The following SLC2A13 variants were observed in gnomAD, a reference collection of about 807,000 sequenced individuals.
The protein encoded by SLC2A13 is proton myo-inositol cotransporter.
In SLC2A13, 32 loss-of-function variants were observed where a neutral mutation model predicts 64.4. The observed-to-expected ratio is 0.50, with a 90% CI of 0.37 to 0.67. The LOEUF is 0.67. SLC2A13 is among the 30% of genes least tolerant of loss of function. SLC2A13 has a pLI of 0.00. For synonymous variants in SLC2A13, 338 were observed against 327.1 expected, an observed-to-expected ratio of 1.03 and a Z score of -0.36; for missense variants, 743 against 829.2, an observed-to-expected ratio of 0.90 and a Z score of 1.28.
chr12:40,085,081 C>T lies in SLC2A13; in HGVS notation c.556+20172G>A, dbSNP rs150300238. 1.9e-3 allele frequency among the ~76,000 whole-genome samples: 293 copies of T among 152,242 alleles called. 1 individual carries two copies. Among genetic ancestry groups the T allele is most frequent in the Non-Finnish European group, 3.6e-3 (244 of 68,014 alleles). Reference sequence around the variant, plus strand: ...AAAGGGCTGAGTTCAGAGCACTTCTCGACAGATGAACATATGGAGGTTGAC... The same window carrying T: ...AAAGGGCTGAGTTCAGAGCACTTCTTGACAGATGAACATATGGAGGTTGAC... On this transcript the variant is annotated intron_variant, in intron 1 of 9. Transcript: ENST00000280871.
At chr12:40,074,779 T>C (rs1938103259) in intron 1 of SLC2A13, among the ~76,000 whole-genome samples, 2 of 152,134 alleles carry the variant, frequency 1.3e-5, no homozygotes, top group Non-Finnish European at 2.9e-5. Context: ...TATAAATACA[T>C]TGTCAGTAAT....
intron 4 of SLC2A13, among the ~76,000 whole-genome samples, chr12:39,896,320 GTA>G (rs142546530): frequency 0.076 from 6,636 of 87,818 alleles, 784 homozygotes; most frequent in East Asian, 0.34. Context: ...ATATATGTAT[GTA>G]TATGTGTATA....
At chr12:40,040,949 AATTATT>A (rs149372430) in intron 2 of SLC2A13, among the ~76,000 whole-genome samples, 6 of 151,018 alleles carry the variant, frequency 4.0e-5, no homozygotes, top group East Asian at 2.0e-4. Flanking sequence ...TGGATTTTAA[AATTATT>A]ATTATTATTA....
At chr12:40,060,787 T>A (rs1407697242) in intron 1 of SLC2A13, among the ~76,000 whole-genome samples, 2 of 152,064 alleles carry the variant, frequency 1.3e-5, no homozygotes, top group Non-Finnish European at 2.9e-5. Context: ...TGATCCCAAA[T>A]GGATAGTGCA....
intron 7 of SLC2A13, among the ~76,000 whole-genome samples, chr12:39,778,595 TTAAA>T (rs1295711878): frequency 2.0e-5 from 3 of 152,228 alleles, no homozygotes; most frequent in Non-Finnish European, 4.4e-5. Context: ...GGTTTTATCA[TTAAA>T]TAGTTATTAT....
chr12:40,086,072 C>T (rs557724732), intron 1 of SLC2A13, among the ~76,000 whole-genome samples: 1 of 152,106 alleles, frequency 6.6e-6, no homozygotes, highest in Non-Finnish European at 1.5e-5. Context: ...CTCCTGACCT[C>T]GTGATCCACC....
chr12:39,968,280 A>G (rs942447065), intron 3 of SLC2A13, among the ~76,000 whole-genome samples: 1 of 152,084 alleles, frequency 6.6e-6, no homozygotes, highest in Non-Finnish European at 1.5e-5. Context: ...AGAGCCCCTT[A>G]TTAAACCATC....
At chr12:39,913,932 A>G (rs1342770098) in intron 4 of SLC2A13, among the ~76,000 whole-genome samples, 5 of 152,076 alleles carry the variant, frequency 3.3e-5, no homozygotes, top group African/African-American at 1.2e-4. Context: ...GAATATATGA[A>G]TATTTTATGT....
At chr12:39,805,789 G>A (rs1163525415) in intron 7 of SLC2A13, among the ~76,000 whole-genome samples, 3 of 152,144 alleles carry the variant, frequency 2.0e-5, no homozygotes, top group African/African-American at 7.2e-5. Context: ...AGTCAGAGTT[G>A]AGGTTTTAAA....
intron 7 of SLC2A13, among the ~76,000 whole-genome samples, chr12:39,804,856 G>T (rs1941916408): frequency 6.6e-6 from 1 of 152,152 alleles, no homozygotes; most frequent in Non-Finnish European, 1.5e-5. Flanking sequence ...GGTAAGTAGG[G>T]CTAGGACATC....
At chr12:40,088,962 T>C (rs17518420) in intron 1 of SLC2A13, among the ~76,000 whole-genome samples, 2,082 of 152,324 alleles carry the variant, frequency 0.014, 42 homozygotes, top group African/African-American at 0.047. Context: ...CTCACTCAAT[T>C]ATAACTAAAG....
intron 2 of SLC2A13, among the ~76,000 whole-genome samples, chr12:40,044,223 AT>A (rs1948138681): frequency 6.6e-6 from 1 of 152,222 alleles, no homozygotes; most frequent in Admixed American, 6.5e-5. Context: ...GAAGCCAGTC[AT>A]AAAGAACCAC....
chr12:39,790,124 G>T (rs7135012), intron 7 of SLC2A13, among the ~76,000 whole-genome samples: 148,973 of 149,028 alleles, frequency 1, 74,459 homozygotes, highest in Middle Eastern at 1. Context: ...ATTCTTTTGT[G>T]TTCTTTTTTT....
chr12:39,945,349 G>A (rs1003170337), intron 4 of SLC2A13, among the ~76,000 whole-genome samples: 2 of 152,064 alleles, frequency 1.3e-5, no homozygotes, highest in Non-Finnish European at 2.9e-5. Context: ...AGGTCTTTTT[G>A]TGATGAATTT....
intron 7 of SLC2A13, among the ~76,000 whole-genome samples, chr12:39,781,962 G>A (rs530697142): frequency 6.6e-6 from 1 of 152,148 alleles, no homozygotes; most frequent in African/African-American, 2.4e-5. Context: ...GGATAATCTT[G>A]AGTTATGGTT....
intron 1 of SLC2A13, among the ~76,000 whole-genome samples, chr12:40,056,778 A>T (rs956268143): frequency 2.6e-5 from 4 of 152,222 alleles, no homozygotes; most frequent in African/African-American, 9.6e-5. Context: ...AGGGCTGAGG[A>T]GTAAAATAGA....
chr12:39,771,719 C>T (rs1356902745), intron 7 of SLC2A13, among the ~76,000 whole-genome samples: 1 of 152,068 alleles, frequency 6.6e-6, no homozygotes, highest in Non-Finnish European at 1.5e-5. Flanking sequence ...TTCCTTTCTT[C>T]AAACTCATAT....
chr12:40,104,348 CA>C (rs1939233669), intron 1 of SLC2A13, among the ~76,000 whole-genome samples: 1 of 152,138 alleles, frequency 6.6e-6, no homozygotes, highest in African/African-American at 2.4e-5. Context: ...TTCCCTCTGC[CA>C]AAAACTTGCC....
rs1031053604 is a variant in SLC2A13 at position 39,983,286 on chromosome 12, A to T, written c.926-31921T>A. Among the ~76,000 whole-genome samples the T allele has an allele frequency of 2.3e-5, 3 of 129,166 alleles. No homozygotes were observed. In the Admixed American group the frequency reaches 2.5e-4, roughly 11 times the overall value. The allele number at this position is 129,166 out of a possible 152,430, so 84.7% of individuals were successfully genotyped here. On this transcript the variant is annotated intron_variant, in intron 3 of 9. Transcript: ENST00000280871. ...GGCGTGGGCAAGGACTTCATGTCCA[A>T]AACACCAAAAGCAATGGCAACAAAA...
Sources: gnomAD v4.1 joint callset for allele counts (sites outside exome capture counted in the v4.1 genomes callset) on GRCh38, gnomAD v4.1.1 for gene constraint, MANE v1.5 for transcripts, NCBI Gene and HGNC (gene_info 2026-07-23, HGNC 2026-07-21) for gene names.